ADAMTSL1: variants seen among roughly 807,000 people sequenced by gnomAD.
The protein encoded by ADAMTSL1 is ADAMTS like 1, also known as ADAMTS-like protein 1.
A neutral mutation model predicts 201.8 loss-of-function variants in ADAMTSL1; 126 were observed. The observed-to-expected ratio is 0.62, with a 90% CI of 0.54 to 0.72. The LOEUF (loss-of-function observed/expected upper bound fraction) is 0.72, where lower values mean the gene tolerates loss of function less well. Ranked by LOEUF, ADAMTSL1 falls within the 30% of genes least tolerant of loss-of-function variation. The pLI is 0.00. For missense variants in ADAMTSL1, 2,679 were observed against 2,277.8 expected, an observed-to-expected ratio of 1.18 and a Z score of -3.59; for synonymous variants, 1,121 against 903.4, an observed-to-expected ratio of 1.24 and a Z score of -4.32.
chr9:18,872,457 C>G (rs770567700), intron 23 of ADAMTSL1, among the ~76,000 whole-genome samples: 4 of 152,124 alleles, frequency 2.6e-5, no homozygotes, highest in Non-Finnish European at 1.5e-5. Flanking sequence ...TGCACTGTAC[C>G]CAATGTGTAG....
At chr9:18,026,495 G>A (rs1303164164) in intron 1 of ADAMTSL1, among the ~76,000 whole-genome samples, 2 of 151,938 alleles carry the variant, frequency 1.3e-5, no homozygotes, top group Admixed American at 6.6e-5. Flanking sequence ...ATCTGTTTAT[G>A]TGGTGAATCA....
intron 2 of ADAMTSL1, among the ~76,000 whole-genome samples, chr9:18,367,891 T>TTTTTA (rs960328415): frequency 9.9e-5 from 15 of 151,782 alleles, no homozygotes; most frequent in African/African-American, 1.5e-4. Context: ...TTTATTTTTA[T>TTTTTA]TTTTATTTTA....
chr9:18,185,292 T>C (rs1828685890), intron 2 of ADAMTSL1, among the ~76,000 whole-genome samples: 1 of 152,142 alleles, frequency 6.6e-6, no homozygotes, highest in African/African-American at 2.4e-5. Flanking sequence ...TCCTTCCTAC[T>C]GGCTTTGAAG....
intron 1 of ADAMTSL1, among the ~76,000 whole-genome samples, chr9:18,091,780 G>A (rs1038162729): frequency 1.3e-5 from 2 of 152,060 alleles, no homozygotes; most frequent in African/African-American, 4.8e-5. Flanking sequence ...AATTATTAAA[G>A]CACAGTCCCT....
chr9:18,384,802 T>C (rs1197026240), intron 2 of ADAMTSL1, among the ~76,000 whole-genome samples: 1 of 152,138 alleles, frequency 6.6e-6, no homozygotes, highest in Non-Finnish European at 1.5e-5. Flanking sequence ...CTCCCACTGA[T>C]GTTGTTGTGC....
chr9:18,776,911 G>C lies in ADAMTSL1; in HGVS notation c.2682G>C (p.Ala894=). Residue 894 remains alanine, a synonymous_variant, in exon 19 of 29, where the codon GCG becomes GCC. Coordinates refer to ENST00000380548, the MANE Select transcript of ADAMTSL1 (RefSeq NM_001040272.6). ...GGFAYLLPKT[A]VVLRCPARRV... is the part of the protein sequence containing the mutation. Reference sequence around the variant, plus strand: ...TCGCCTACCTGCTCCCCAAGACGGCGGTGGTGCTGCGCTGCCCGGCGCGCA... The same window carrying C: ...TCGCCTACCTGCTCCCCAAGACGGCCGTGGTGCTGCGCTGCCCGGCGCGCA... 6.2e-7 allele frequency: 1 copy of C among 1,609,386 alleles called. No homozygotes were observed. The highest frequency in any genetic ancestry group is 8.5e-7 in the Non-Finnish European group (1 of 1,178,246).
chr9:18,170,700 A>AT (rs558403911), intron 2 of ADAMTSL1, among the ~76,000 whole-genome samples: 13 of 152,034 alleles, frequency 8.6e-5, no homozygotes, highest in Non-Finnish European at 1.5e-4. Flanking sequence ...AACAGCTTCC[A>AT]TTTTTTATTG....
chr9:18,838,006 A>C (rs970485247), intron 23 of ADAMTSL1, among the ~76,000 whole-genome samples: 1 of 152,092 alleles, frequency 6.6e-6, no homozygotes, highest in African/African-American at 2.4e-5. Context: ...AAGATGCACT[A>C]TATTAGCCTG....
intron 19 of ADAMTSL1, among the ~76,000 whole-genome samples, chr9:18,786,882 T>C (rs1356576581): frequency 6.6e-6 from 1 of 152,230 alleles, no homozygotes; most frequent in Non-Finnish European, 1.5e-5. Context: ...CAGAAAGTTT[T>C]GTACAGTGTT....
intron 3 of ADAMTSL1, among the ~76,000 whole-genome samples, chr9:18,561,082 C>G (rs962139674): frequency 6.6e-6 from 1 of 151,266 alleles, no homozygotes; most frequent in Non-Finnish European, 1.5e-5. Context: ...GAAATCCGTT[C>G]CTGTTTGCTC....
At chr9:18,379,239 A>G (rs949932605) in intron 2 of ADAMTSL1, among the ~76,000 whole-genome samples, 1 of 152,234 alleles carries the variant, frequency 6.6e-6, no homozygotes, top group Non-Finnish European at 1.5e-5. Flanking sequence ...CACATCATCA[A>G]ACAGAAACTC....
At chr9:18,428,434 C>CAAAA (rs368935296) in intron 2 of ADAMTSL1, among the ~76,000 whole-genome samples, 3 of 119,590 alleles carry the variant, frequency 2.5e-5, no homozygotes, top group Non-Finnish European at 3.4e-5. Context: ...CCTATGTCTA[C>CAAAA]AAAAAAAAAA....
At chr9:18,508,966 T>C (rs1046280511) in intron 2 of ADAMTSL1, among the ~76,000 whole-genome samples, 2 of 94,394 alleles carry the variant, frequency 2.1e-5, no homozygotes, top group Admixed American at 9.2e-5. Context: ...GGGTGGATCA[T>C]GAGGTCAGGA....
chr9:17,926,084 T>C (rs1413883004), intron 1 of ADAMTSL1, among the ~76,000 whole-genome samples: 4 of 152,160 alleles, frequency 2.6e-5, no homozygotes, highest in South Asian at 2.1e-4. Flanking sequence ...CACTGACTCA[T>C]GCGGTCTGTG....
chr9:18,747,388 A>G (rs1261184733), intron 15 of ADAMTSL1, among the ~76,000 whole-genome samples: 3 of 152,036 alleles, frequency 2.0e-5, no homozygotes, highest in Non-Finnish European at 4.4e-5. Context: ...GGCTCGGATC[A>G]TGCAGAACTG....
chr9:18,883,198 A>C (rs57084114), intron 23 of ADAMTSL1, among the ~76,000 whole-genome samples: 8,633 of 152,204 alleles, frequency 0.057, 282 homozygotes, highest in East Asian at 0.15. Flanking sequence ...TTAAAACAAC[A>C]ATCAATTGTT....
intron 15 of ADAMTSL1, among the ~76,000 whole-genome samples, chr9:18,728,469 A>AC (rs1198618566): frequency 6.2e-4 from 94 of 152,218 alleles, no homozygotes; most frequent in African/African-American, 8.7e-4. Flanking sequence ...GAGAAAAAAA[A>AC]AACACACACA....
intron 2 of ADAMTSL1, among the ~76,000 whole-genome samples, chr9:18,408,847 T>C (rs1818311301): frequency 6.6e-6 from 1 of 152,208 alleles, no homozygotes; most frequent in South Asian, 2.1e-4. Context: ...TATGTTCTGC[T>C]GTGATAGAAA....
chr9:18,518,198 T>C (rs1818478309), intron 2 of ADAMTSL1, among the ~76,000 whole-genome samples: 1 of 152,226 alleles, frequency 6.6e-6, no homozygotes, highest in Non-Finnish European at 1.5e-5. Flanking sequence ...GTTTATTACA[T>C]GGGTATATTG....
Sources: allele counts gnomAD v4.1 joint callset (sites outside exome capture counted in the v4.1 genomes callset), GRCh38; gene constraint gnomAD v4.1.1; transcripts MANE v1.5; gene names NCBI Gene and HGNC (gene_info 2026-07-23, HGNC 2026-07-21).